Variants in KRTCAP2 observed in about 807,000 individuals in gnomAD.
The protein encoded by KRTCAP2 is dolichyl-diphosphooligosaccharide--protein glycosyltransferase subunit KCP2.
KRTCAP2 carries 10 observed loss-of-function variants against 16.5 expected under a neutral mutation model. That is an observed-to-expected ratio of 0.60 (90% CI 0.37 to 1.02). The LOEUF is 1.02. Ranked by LOEUF, KRTCAP2 falls within the 50% of genes least tolerant of loss-of-function variation. KRTCAP2 has a pLI of 0.01. For synonymous variants in KRTCAP2, 68 were observed against 69.8 expected (o/e 0.97, Z 0.13); for missense variants, 152 against 159.6 (o/e 0.95, Z 0.26).
intron 3 of KRTCAP2, chr1:155,170,170 T>G: frequency 4.6e-6 from 1 of 216,260 alleles, no homozygotes; most frequent in Non-Finnish European, 9.3e-6. Context: ...AAAAAAAAAA[T>G]TGAATTAAAA....
At chr1:155,170,060 C>T (rs1665190322) in intron 3 of KRTCAP2, 2 of 489,358 alleles carry the variant, frequency 4.1e-6, no homozygotes, top group South Asian at 4.7e-5. Flanking sequence ...GTGGCTTGCA[C>T]CTGGAATCCC....
intron 4 of KRTCAP2, 39 bp from the exon 5 acceptor site, chr1:155,169,599 C>T (rs770529158): frequency 1.2e-6 from 2 of 1,605,208 alleles, no homozygotes; most frequent in Non-Finnish European, 1.7e-6. Context: ...CACCAGTGGG[C>T]ATCTGCCAGC....
chr1:155,172,916 G>A (rs41264911), intron 1 of KRTCAP2, 24 bp from the exon 2 acceptor site: 46,433 of 1,611,280 alleles, frequency 0.029, 854 homozygotes, highest in Admixed American at 0.069. Context: ...GAGAAGGGAC[G>A]GAGAGTCAGG....
intron 3 of KRTCAP2, chr1:155,171,792 C>T (rs946387249): frequency 1.3e-6 from 1 of 763,594 alleles, no homozygotes; most frequent in Admixed American, 6.7e-5. Flanking sequence ...CAGGTCAAGG[C>T]TTCAGTGATC....
At chr1:155,171,398 G>A (rs1665235018) in intron 3 of KRTCAP2, 1 of 933,638 alleles carries the variant, frequency 1.1e-6, no homozygotes, top group African/African-American at 1.9e-5. Flanking sequence ...CAGCATGGGT[G>A]ACAGAGCGAG....
In KRTCAP2 at chr1:155,171,714, TG is replaced by T. The variant is rs1291862710; in HGVS notation, c.223+850del. 1.1e-5 allele frequency: 6 copies of T among 534,020 alleles called. No individual in the cohort carries two copies. In the Admixed American group the frequency reaches 2.6e-4, roughly 23 times the overall value. 33.1% of individuals were successfully genotyped at this position (534,020 alleles called of 1,614,324 possible). On this transcript the variant is annotated intron_variant, in intron 3 of 4. Coordinates refer to ENST00000295682, the MANE Select transcript of KRTCAP2 (RefSeq NM_173852.4). ...CTCTACAAAAACTTAAAACAGTAGC[TG>T]GGTGTGGTGGCACTCACTGGTAGTC...
chr1:155,171,627 A>G (rs1665248804), intron 3 of KRTCAP2: 1 of 954,798 alleles, frequency 1.0e-6, no homozygotes, highest in Admixed American at 6.2e-5. Context: ...GGAGGCTGAA[A>G]TAGGAGGATC....
intron 3 of KRTCAP2, chr1:155,172,182 T>C (rs1340661210): frequency 1.2e-5 from 13 of 1,068,824 alleles, no homozygotes; most frequent in Admixed American, 4.9e-5. Context: ...CTCAAATAAG[T>C]AGAATTCTCT....
intron 3 of KRTCAP2, chr1:155,170,091 T>G (rs1344327203): frequency 2.4e-6 from 1 of 421,044 alleles, no homozygotes; most frequent in Non-Finnish European, 4.4e-6. Flanking sequence ...GAGGCTGAGG[T>G]GGGCAGATCA....
At position 155,172,736 on chromosome 1, in the gene KRTCAP2, A is replaced by G. The variant is rs1441988191; in HGVS notation, c.159+2T>C. 1.2e-6 allele frequency: 2 copies of G among 1,614,184 alleles called. No individual in the cohort carries two copies. The highest frequency in any genetic ancestry group is 1.1e-5 in the South Asian group (1 of 91,086). On this transcript the variant is annotated splice_donor_variant, in intron 2 of 4. Coordinates refer to ENST00000295682, the MANE Select transcript of KRTCAP2 (RefSeq NM_173852.4). LOFTEE classifies it high-confidence loss of function. The stretch of plus-strand genomic sequence containing the variant: ...CGCCCCCTCCAACTGCAGGGAGGAT[A>G]CAGTGAGCGAGAACACGAAGAGACC...
intron 3 of KRTCAP2, chr1:155,172,150 T>C: frequency 5.8e-6 from 6 of 1,034,246 alleles, no homozygotes; most frequent in Non-Finnish European, 7.0e-6. Flanking sequence ...GTGCCTCTAG[T>C]ATTTAGGCTC....
chr1:155,169,575 C>T lies in KRTCAP2; in HGVS notation c.291-15G>A. 2 of 1,612,882 alleles carry T rather than the reference C, an allele frequency of 1.2e-6. No individual in the cohort carries two copies. The highest frequency in any genetic ancestry group is 1.7e-6 in the Non-Finnish European group (2 of 1,179,232). The stretch of plus-strand genomic sequence containing the variant: ...AGAAGATGAAGCTATATGGTGAAGA[C>T]AGAAAGGTCATGGCACCAGTGGGCA... On this transcript the variant is annotated splice_polypyrimidine_tract_variant and intron_variant, in intron 4 of 4. Transcript: ENST00000295682.
Position 155,172,611 on chromosome 1 carries a change from C to A in KRTCAP2, c.177G>T (p.Glu59Asp). ...GGAATCCTTTGCCAAAGACAAGATTCTCCAGATTATTGAAGGCCTGGTTGA... is the reference window on the plus strand; with the variant it reads ...GGAATCCTTTGCCAAAGACAAGATTATCCAGATTATTGAAGGCCTGGTTGA... The part of the protein sequence containing the change: ...VFSLTAFNNL[E>D]NLVFGKGFQA... Residue 59 changes from glutamate to aspartate, a missense_variant, in exon 3 of 5, where the codon GAG (glutamate) becomes GAT (aspartate). Physicochemically the swap from Glu to Asp is conservative, Grantham distance 45 (BLOSUM62 2). Transcript: ENST00000295682. 3.7e-6 allele frequency: 6 copies of A among 1,614,212 alleles called. No homozygotes were observed. Among genetic ancestry groups the A allele is most frequent in the Non-Finnish European group, 5.1e-6 (6 of 1,180,046 alleles).
intron 2 of KRTCAP2, 38 bp downstream of exon 2, chr1:155,172,700 C>G: frequency 6.2e-7 from 1 of 1,614,160 alleles, no homozygotes; most frequent in Non-Finnish European, 8.5e-7. Flanking sequence ...AGGGCACATG[C>G]CTACGTGGCC....
chr1:155,169,585 A>G (rs1484259999), intron 4 of KRTCAP2, 25 bp from the exon 5 acceptor site: 1 of 1,611,232 alleles, frequency 6.2e-7, no homozygotes, highest in Non-Finnish European at 8.5e-7. Flanking sequence ...CAGAAAGGTC[A>G]TGGCACCAGT....
chr1:155,172,966 G>A, intron 1 of KRTCAP2, 74 bp from the exon 2 acceptor site: 1 of 1,525,188 alleles, frequency 6.6e-7, no homozygotes, highest in Non-Finnish European at 9.0e-7. Context: ...AGATCAGCCG[G>A]TCCGGAAGCT....
chr1:155,172,232 T>C (rs1665275796), intron 3 of KRTCAP2: 1 of 1,195,980 alleles, frequency 8.4e-7, no homozygotes, highest in African/African-American at 1.6e-5. Context: ...CATAGTGAAC[T>C]TGGTCCTGCT....
At chr1:155,171,177 G>A (rs1665226922) in intron 3 of KRTCAP2, 1 of 152,242 alleles carries the variant, frequency 6.6e-6, no homozygotes, top group Non-Finnish European at 1.5e-5. Flanking sequence ...CCAGCACTCT[G>A]GGAGGCCAAG....
chr1:155,171,914 A>C, intron 3 of KRTCAP2: 7 of 985,322 alleles, frequency 7.1e-6, no homozygotes, highest in Non-Finnish European at 8.4e-6. Flanking sequence ...GTTTTACCAC[A>C]TGAGGGTTTT....
Sources: gnomAD v4.1 joint callset for allele counts on GRCh38, gnomAD v4.1.1 for gene constraint, MANE v1.5 for transcripts, NCBI Gene and HGNC (gene_info 2026-07-23, HGNC 2026-07-21) for gene names.